TTLL6: variants seen among roughly 807,000 people sequenced by gnomAD.
TTLL6 encodes tubulin tyrosine ligase like 6.
A neutral mutation model predicts 96.4 loss-of-function variants in TTLL6; 75 were observed. The observed-to-expected ratio is 0.78, with a 90% CI of 0.65 to 0.94. TTLL6 has a LOEUF of 0.94. Ranked by LOEUF, TTLL6 falls within the 40% of genes least tolerant of loss-of-function variation. TTLL6 has a pLI of 0.00. For missense variants in TTLL6, 1,030 were observed against 1,093.0 expected, an observed-to-expected ratio of 0.94 and a Z score of 0.81; for synonymous variants, 411 against 419.4, an observed-to-expected ratio of 0.98 and a Z score of 0.24.
intron 13 of TTLL6, among the ~76,000 whole-genome samples, chr17:48,781,062 T>C (rs2038975332): frequency 2.0e-5 from 3 of 152,044 alleles, no homozygotes; most frequent in African/African-American, 7.2e-5. Flanking sequence ...TTTTTTTTTT[T>C]TTTAGACAAG....
At chr17:48,772,032 G>A (rs1461891026) in intron 13 of TTLL6, among the ~76,000 whole-genome samples, 3 of 151,884 alleles carry the variant, frequency 2.0e-5, no homozygotes, top group Admixed American at 1.3e-4. Context: ...CTGAGATTGC[G>A]CCACTGCACT....
chr17:48,813,617 T>C (rs1227187633), intron 1 of TTLL6, among the ~76,000 whole-genome samples: 1 of 152,194 alleles, frequency 6.6e-6, no homozygotes, highest in East Asian at 1.9e-4. Context: ...ATCATTTTCC[T>C]TAAAGTCAAC....
intron 13 of TTLL6, 30 bp from the exon 14 acceptor site, chr17:48,770,127 T>A (rs887496680): frequency 1.3e-6 from 2 of 1,556,660 alleles, no homozygotes; most frequent in African/African-American, 2.8e-5. Context: ...AAAATGAGAC[T>A]GTGGAAAGCA....
chr17:48,804,865 G>A lies in TTLL6; in HGVS notation c.230C>T (p.Thr77Ile), dbSNP rs1350883691. Reference sequence around the variant, plus strand: ...CTCTCTCACAAAAGCCAGCGCGACGGTTTCTTTTGGATCTTCTTTGGAACT... The same window carrying A: ...CTCTCTCACAAAAGCCAGCGCGACGATTTCTTTTGGATCTTCTTTGGAACT... ...GDSSKEDPKE[T>I]VALAFVRENP... The change falls in exon 2 of 16, where the codon ACC (threonine) becomes ATC (isoleucine). Residue 77 changes from threonine to isoleucine, a missense_variant. Thr to Ile is a moderately conservative substitution (Grantham distance 89, BLOSUM62 -1). Coordinates refer to ENST00000393382, the MANE Select transcript of TTLL6 (RefSeq NM_001130918.3). The A allele has an allele frequency of 6.4e-7, 1 of 1,552,332 alleles. No homozygotes were observed. The highest frequency in any genetic ancestry group is 1.2e-5 in the South Asian group (1 of 84,058).
intron 13 of TTLL6, among the ~76,000 whole-genome samples, chr17:48,776,029 G>A (rs1236497250): frequency 6.6e-6 from 1 of 152,116 alleles, no homozygotes; most frequent in Admixed American, 6.5e-5. Context: ...ATTCAACGTT[G>A]TACCAGAAGT....
chr17:48,793,345 C>A (rs2039260359), intron 8 of TTLL6, among the ~76,000 whole-genome samples: 1 of 152,120 alleles, frequency 6.6e-6, no homozygotes, highest in Non-Finnish European at 1.5e-5. Context: ...CCTCAAGGAG[C>A]AAAGTACAAC....
At chr17:48,788,047 A>C in intron 10 of TTLL6, 48 bp from the exon 11 acceptor site, 1 of 1,579,202 alleles carries the variant, frequency 6.3e-7, no homozygotes, top group Non-Finnish European at 8.6e-7. Flanking sequence ...TCTTGGGACA[A>C]AGCCTGGAAG....
intron 1 of TTLL6, among the ~76,000 whole-genome samples, chr17:48,814,020 A>C (rs2039629772): frequency 1.3e-5 from 2 of 152,022 alleles, no homozygotes; most frequent in South Asian, 4.1e-4. Flanking sequence ...TGCTTTAGAG[A>C]GTTTTTAAAA....
intron 5 of TTLL6, 57 bp downstream of exon 5, chr17:48,801,198 A>T (rs2039405704): frequency 6.6e-7 from 1 of 1,504,008 alleles, no homozygotes; most frequent in African/African-American, 1.4e-5. Flanking sequence ...CGGGGGCAAG[A>T]GGAAATGTAA....
intron 10 of TTLL6, among the ~76,000 whole-genome samples, chr17:48,789,553 T>C (rs1426836246): frequency 2.0e-5 from 3 of 152,016 alleles, no homozygotes; most frequent in Non-Finnish European, 4.4e-5. Context: ...AGACAGACCA[T>C]TCTTTTATTT....
intron 6 of TTLL6, 32 bp downstream of exon 6, chr17:48,799,572 G>T: frequency 1.3e-6 from 2 of 1,545,128 alleles, no homozygotes; most frequent in Non-Finnish European, 1.8e-6. Context: ...GTTGCTGTGG[G>T]TGATAAATAA....
chr17:48,804,876 A>C lies in TTLL6; in HGVS notation c.219T>G (p.Asp73Glu), dbSNP rs921840747. The C allele has an allele frequency of 1.9e-6, 3 of 1,552,018 alleles. No homozygotes were observed. Among genetic ancestry groups the C allele is most frequent in the Non-Finnish European group, 2.6e-6 (3 of 1,147,076 alleles). ...AAGCCAGCGCGACGGTTTCTTTTGG[A>C]TCTTCTTTGGAACTGTCCCCCTTCT... is the stretch of plus-strand genomic sequence containing the variant. Reference protein sequence around the residue: ...SEEKGDSSKEDPKETVALAFV... With the variant: ...SEEKGDSSKEEPKETVALAFV... Residue 73 changes from aspartate (D) to glutamate (E), a missense_variant, in exon 2 of 16, where the codon GAT becomes GAG. By Grantham distance (45) the Asp-to-Glu change is conservative. Coordinates refer to ENST00000393382, the MANE Select transcript of TTLL6 (RefSeq NM_001130918.3).
chr17:48,781,904 T>A (rs1306637242), intron 13 of TTLL6, among the ~76,000 whole-genome samples: 1 of 152,138 alleles, frequency 6.6e-6, no homozygotes. Context: ...GAAGCTGCCG[T>A]CTATGAGGAA....
rs1598011591 is a variant in TTLL6, at chr17:48,816,983, T to C, written c.90A>G (p.Gly30=). Residue 30 remains glycine (G), a synonymous_variant, in exon 1 of 16, where the codon GGA becomes GGG. Coordinates refer to ENST00000393382, the MANE Select transcript of TTLL6 (RefSeq NM_001130918.3). ...WTSSPAGRDG[G]VGIAGAWYFP... ...GGGCGCTCTTACCCGCAATTCCTAC[T>C]CCCCCGTCTCGCCCCGCTGGGCTGC... is the stretch of plus-strand genomic sequence containing the variant. 1 of 1,535,030 alleles carries C rather than the reference T, an allele frequency of 6.5e-7. No individual in the cohort carries two copies. Among genetic ancestry groups the C allele is most frequent in the Non-Finnish European group, 8.8e-7 (1 of 1,142,634 alleles).
chr17:48,785,123 C>G lies in TTLL6; in HGVS notation c.1840G>C (p.Asp614His). 1 of 1,614,148 alleles carries G rather than the reference C, an allele frequency of 6.2e-7. No individual in the cohort carries two copies. The highest frequency in any genetic ancestry group is 8.5e-7 in the Non-Finnish European group (1 of 1,180,030). ...SVRGERKNET[D>H]SSLNQEAPTE... ...GGAGCCTCCTGGTTGAGGCTGCTGT[C>G]TGTTTCATTTTTCCTTTCACCTCTG... The change falls in exon 13 of 16, where the codon GAC (aspartate) becomes CAC (histidine). Residue 614 changes from aspartate to histidine, a missense_variant. Asp to His is a moderately conservative substitution (Grantham distance 81). Coordinates refer to ENST00000393382, the MANE Select transcript of TTLL6 (RefSeq NM_001130918.3).
Position 48,769,030 on chromosome 17 carries a change from G to A in TTLL6, c.2635C>T (p.His879Tyr). ...PCMQDQEAYSHCLISGQKGCE... is the reference protein window; with the variant it reads ...PCMQDQEAYSYCLISGQKGCE... Reference sequence around the variant, plus strand: ...CCTTTTTGGCCAGAGATCAGGCAATGGCTGTATGCTTCTTGATCCTGCATA... The same window carrying A: ...CCTTTTTGGCCAGAGATCAGGCAATAGCTGTATGCTTCTTGATCCTGCATA... Residue 879 changes from histidine to tyrosine, a missense_variant, in exon 15 of 16, where the codon CAT becomes TAT. Physicochemically the swap from His to Tyr is moderately conservative, Grantham distance 83 (BLOSUM62 2). Transcript: ENST00000393382. 6.2e-7 allele frequency: 1 copy of A among 1,613,952 alleles called. No individual in the cohort carries two copies. Among genetic ancestry groups the A allele is most frequent in the South Asian group, 1.1e-5 (1 of 91,084 alleles).
rs753056011 is a variant in TTLL6, at chr17:48,804,411, C to G, written c.323+361G>C. ...TGGAATGCACAAGCTGCAGTTGGAT[C>G]CTGATAAGTCAGTATGGTGCTATCA... On this transcript the variant is annotated intron_variant, in intron 2 of 15. Transcript: ENST00000393382. The G allele has an allele frequency of 1.0e-5, 5 of 493,312 alleles. No homozygotes were observed. In the East Asian group the frequency reaches 2.3e-4, roughly 23 times the overall value. 30.6% of individuals were successfully genotyped at this position (493,312 alleles called of 1,614,324 possible).
In TTLL6 at chr17:48,762,945, G is replaced by A. The variant is rs2038517534; in HGVS notation, c.*29C>T. The A allele has an allele frequency of 2.2e-6, 1 of 455,894 alleles. No homozygotes were observed. The allele number at this position is 455,894 out of a possible 1,614,324, so 28.2% of individuals were successfully genotyped here. A position where few individuals can be genotyped will look rare whatever the true frequency, so the allele number is the denominator to read the frequency against. ...TTTCCTGCAAGTTAAGAGGTAGGAA[G>A]GGAAAAGTGGCAGAGATCCAGTCTG... is the stretch of plus-strand genomic sequence containing the variant. On this transcript the variant is annotated 3_prime_UTR_variant, in exon 16 of 16. Transcript: ENST00000393382.
intron 3 of TTLL6, among the ~76,000 whole-genome samples, chr17:48,802,082 GAAAGAAAGAAAGAAAGAAAGAAA>G (rs1352048602): frequency 0.061 from 92 of 1,510 alleles, no homozygotes; most frequent in African/African-American, 0.13. Context: ...GAAAGAAAAA[GAAAGAAAGAAAGAAAGAAAGAAA>G]GAAAGAAAGA....
Sources: gnomAD v4.1 joint callset for allele counts (sites outside exome capture counted in the v4.1 genomes callset) on GRCh38, gnomAD v4.1.1 for gene constraint, MANE v1.5 for transcripts, NCBI Gene and HGNC (gene_info 2026-07-23, HGNC 2026-07-21) for gene names.